ABTB2: variants seen among roughly 807,000 people sequenced by gnomAD.
The protein encoded by ABTB2 is ankyrin repeat and BTB/POZ domain-containing protein 2.
In ABTB2, 56 loss-of-function variants were observed where a neutral mutation model predicts 104.1. That is an observed-to-expected ratio of 0.54 (90% CI 0.43 to 0.67). The LOEUF (loss-of-function observed/expected upper bound fraction) is 0.67. ABTB2 is among the 30% of genes least tolerant of loss of function. The probability of loss-of-function intolerance (pLI) is 0.00; values close to 1 mark genes in which losing one functional copy is unlikely to be tolerated. For missense variants in ABTB2, 1,279 were observed against 1,407.7 expected (o/e 0.91, Z 1.46); for synonymous variants, 606 against 608.2 (o/e 1.00, Z 0.05).
chr11:34,282,032 G>T (rs2133087329), intron 1 of ABTB2, among the ~76,000 whole-genome samples: 1 of 152,318 alleles, frequency 6.6e-6, no homozygotes, highest in Middle Eastern at 3.4e-3. Flanking sequence ...AGGTGACTTA[G>T]AAACAACAGA....
At chr11:34,243,781 G>T (rs1826940864) in intron 1 of ABTB2, among the ~76,000 whole-genome samples, 1 of 152,112 alleles carries the variant, frequency 6.6e-6, no homozygotes, top group Non-Finnish European at 1.5e-5. Flanking sequence ...CCAGACCCAG[G>T]ACCAAGCCCT....
At chr11:34,207,874 A>G (rs2133042394) in intron 1 of ABTB2, among the ~76,000 whole-genome samples, 1 of 152,362 alleles carries the variant, frequency 6.6e-6, no homozygotes, top group Non-Finnish European at 1.5e-5. Flanking sequence ...GAGGTTTAAG[A>G]GGAGGAAATT....
intron 1 of ABTB2, among the ~76,000 whole-genome samples, chr11:34,342,949 ATTTATTTATTTATTCG>A (rs1463092771): frequency 6.6e-6 from 1 of 151,278 alleles, no homozygotes; most frequent in African/African-American, 2.4e-5. Flanking sequence ...TTATTTATTT[ATTTATTTATTTATTCG>A]TTCATTCATT....
At chr11:34,289,484 A>G (rs2420520) in intron 1 of ABTB2, among the ~76,000 whole-genome samples, 84,463 of 152,028 alleles carry the variant, frequency 0.56, 24,002 homozygotes, top group Middle Eastern at 0.73. Context: ...TCTCAAAGGT[A>G]GAAAATGAGG....
chr11:34,355,693 C>T (rs997823616), intron 1 of ABTB2, among the ~76,000 whole-genome samples: 3 of 152,154 alleles, frequency 2.0e-5, no homozygotes, highest in Non-Finnish European at 2.9e-5. Flanking sequence ...CCAATCAGAT[C>T]GTAAGGCTGT....
At chr11:34,336,165 AT>A (rs557196774) in intron 1 of ABTB2, among the ~76,000 whole-genome samples, 1 of 151,986 alleles carries the variant, frequency 6.6e-6, no homozygotes, top group Admixed American at 6.6e-5. Flanking sequence ...TTTTGAGCTT[AT>A]TTTTTTCACT....
chr11:34,223,400 C>A (rs927481774), intron 1 of ABTB2, among the ~76,000 whole-genome samples: 2 of 152,206 alleles, frequency 1.3e-5, no homozygotes, highest in Non-Finnish European at 2.9e-5. Flanking sequence ...CTCCCCTAAG[C>A]CTTTTCTTAG....
At chr11:34,183,881 G>A (rs1853060169) in intron 3 of ABTB2, among the ~76,000 whole-genome samples, 1 of 151,956 alleles carries the variant, frequency 6.6e-6, no homozygotes, top group Non-Finnish European at 1.5e-5. Flanking sequence ...TCTTACTCCA[G>A]GACTTTGTTT....
chr11:34,335,543 T>C (rs1441390691), intron 1 of ABTB2: 3 of 1,288,252 alleles, frequency 2.3e-6, no homozygotes, highest in African/African-American at 1.5e-5. Flanking sequence ...GCCACAATTC[T>C]GGACACGTTT....
chr11:34,268,962 A>G (rs1404517348), intron 1 of ABTB2, among the ~76,000 whole-genome samples: 2 of 152,226 alleles, frequency 1.3e-5, no homozygotes, highest in Admixed American at 6.5e-5. Context: ...ATAAAGTGAC[A>G]TTCCGAGGTC....
intron 14 of ABTB2, among the ~76,000 whole-genome samples, chr11:34,157,035 C>T (rs1457384037): frequency 3.9e-5 from 6 of 152,100 alleles, no homozygotes; most frequent in Non-Finnish European, 8.8e-5. Context: ...AAATAATGAT[C>T]CACACACCCC....
chr11:34,160,476 C>T (rs1279633233), intron 11 of ABTB2, 123 bp from the exon 12 acceptor site: 97 of 703,544 alleles, frequency 1.4e-4, no homozygotes, highest in Non-Finnish European at 1.2e-4. Flanking sequence ...TCTTTTGTTC[C>T]TGCTGGATGT....
At chr11:34,272,733 C>CAAAAAAAAAAAAAAAAAAAA (rs1323130706) in intron 1 of ABTB2, among the ~76,000 whole-genome samples, 1 of 127,654 alleles carries the variant, frequency 7.8e-6, no homozygotes, top group African/African-American at 3.0e-5. Flanking sequence ...AAAAAAAAAC[C>CAAAAAAAAAAAAAAAAAAAA]AACCAACCAT....
chr11:34,170,661 C>T (rs1281331069), intron 5 of ABTB2, among the ~76,000 whole-genome samples: 2 of 152,346 alleles, frequency 1.3e-5, no homozygotes, highest in Admixed American at 6.5e-5. Flanking sequence ...CCACCTGAAA[C>T]AGTGGCCAGC....
chr11:34,293,891 A>G (rs4756131), intron 1 of ABTB2, among the ~76,000 whole-genome samples: 12,771 of 152,076 alleles, frequency 0.084, 759 homozygotes, highest in Middle Eastern at 0.18. Flanking sequence ...TGCCTGGCTA[A>G]TTTTTTGTAT....
intron 1 of ABTB2, among the ~76,000 whole-genome samples, chr11:34,342,460 G>A (rs912096489): frequency 6.6e-6 from 1 of 152,208 alleles, no homozygotes; most frequent in African/African-American, 2.4e-5. Context: ...GGCCACTCCT[G>A]AGGACAGGAG....
intron 1 of ABTB2, among the ~76,000 whole-genome samples, chr11:34,330,497 G>A (rs533503886): frequency 7.0e-4 from 106 of 152,358 alleles, no homozygotes; most frequent in Admixed American, 1.2e-3. Flanking sequence ...ATAGCTGTGA[G>A]ATCAAATGAG....
intron 1 of ABTB2, among the ~76,000 whole-genome samples, chr11:34,354,188 G>A (rs1855434758): frequency 6.6e-6 from 1 of 152,172 alleles, no homozygotes; most frequent in Non-Finnish European, 1.5e-5. Flanking sequence ...CTGGAGACCC[G>A]AGAAGGTACA....
intron 2 of ABTB2, among the ~76,000 whole-genome samples, chr11:34,198,450 AC>A (rs60873675): frequency 0.041 from 2,864 of 69,076 alleles, 78 homozygotes; most frequent in African/African-American, 0.12. Flanking sequence ...ACAAACAACA[AC>A]AACAAAAAAA....
Sources: gnomAD v4.1 joint callset for allele counts (sites outside exome capture counted in the v4.1 genomes callset) on GRCh38, gnomAD v4.1.1 for gene constraint, MANE v1.5 for transcripts, NCBI Gene and HGNC (gene_info 2026-07-23, HGNC 2026-07-21) for gene names.